Variants in IL1RAPL1 observed in about 807,000 individuals in gnomAD.
The protein encoded by IL1RAPL1 is interleukin 1 receptor accessory protein like 1, also known as interleukin-1 receptor accessory protein-like 1.
A neutral mutation model predicts 48.4 loss-of-function variants in IL1RAPL1; 3 were observed. That is an observed-to-expected ratio of 0.06 (90% CI 0.03 to 0.16). The LOEUF (loss-of-function observed/expected upper bound fraction) is 0.16. Ranked by LOEUF, IL1RAPL1 falls within the 10% of genes least tolerant of loss-of-function variation. IL1RAPL1 has a pLI of 1.00. For missense variants in IL1RAPL1, 349 were observed against 530.6 expected (o/e 0.66, Z 3.36); for synonymous variants, 185 against 187.7 (o/e 0.99, Z 0.12).
chrX:28,935,891 C>G (rs1434356879), intron 2 of IL1RAPL1, among the ~76,000 whole-genome samples: 1 of 111,417 alleles, frequency 9.0e-6, no homozygotes, highest in Non-Finnish European at 1.9e-5. Context: ...TTCAGCAGAG[C>G]CAAAGATGAA....
intron 6 of IL1RAPL1, among the ~76,000 whole-genome samples, chrX:29,668,969 A>G (rs188982303): frequency 8.9e-6 from 1 of 112,032 alleles, no homozygotes; most frequent in East Asian, 2.8e-4. Context: ...TTTGCTAGTT[A>G]TATTTTGGAT....
intron 5 of IL1RAPL1, among the ~76,000 whole-genome samples, chrX:29,622,701 ATTAC>A: frequency 1.8e-5 from 2 of 110,935 alleles, no homozygotes; most frequent in South Asian, 7.6e-4. Flanking sequence ...TATTTTTTTA[ATTAC>A]AAGCCAAATC....
At chrX:29,683,338 A>G (rs1361815384) in intron 6 of IL1RAPL1, among the ~76,000 whole-genome samples, 2 of 112,074 alleles carry the variant, frequency 1.8e-5, no homozygotes, top group Non-Finnish European at 3.8e-5. Context: ...CAAGACGCCA[A>G]GACTTCCTGT....
At chrX:28,950,420 C>T (rs1363951128) in intron 2 of IL1RAPL1, among the ~76,000 whole-genome samples, 193 of 83,202 alleles carry the variant, frequency 2.3e-3, no homozygotes, top group African/African-American at 6.7e-3. Context: ...CTTGGCGATG[C>T]GGGCTCTTTT....
chrX:28,875,178 C>A (rs991527402), intron 2 of IL1RAPL1, among the ~76,000 whole-genome samples: 1 of 111,951 alleles, frequency 8.9e-6, no homozygotes, highest in Non-Finnish European at 1.9e-5. Context: ...ATAGAAAGAG[C>A]ACATTGGCTT....
chrX:28,932,074 A>AT (rs1287448102), intron 2 of IL1RAPL1, among the ~76,000 whole-genome samples: 5 of 110,301 alleles, frequency 4.5e-5, no homozygotes, highest in Non-Finnish European at 9.5e-5. Flanking sequence ...AAATAAATAA[A>AT]TAAATAAAGT....
chrX:29,733,863 G>A (rs1185773256), intron 6 of IL1RAPL1, among the ~76,000 whole-genome samples: 2 of 112,464 alleles, frequency 1.8e-5, no homozygotes, highest in South Asian at 3.7e-4. Context: ...ACATAACAGG[G>A]ATTTATTTGA....
At chrX:29,038,497 C>G (rs2072051141) in intron 2 of IL1RAPL1, among the ~76,000 whole-genome samples, 2 of 111,685 alleles carry the variant, frequency 1.8e-5, no homozygotes, top group Non-Finnish European at 3.8e-5. Context: ...TGGTTTTCAA[C>G]ATTGTTTTAT....
intron 5 of IL1RAPL1, among the ~76,000 whole-genome samples, chrX:29,657,905 C>A (rs1298280639): frequency 2.8e-5 from 3 of 105,612 alleles, no homozygotes; most frequent in African/African-American, 1.0e-4. Context: ...TTGATTATAG[C>A]TATTACATCA....
At chrX:28,779,891 C>A (rs1388875899) in intron 1 of IL1RAPL1, among the ~76,000 whole-genome samples, 4 of 108,137 alleles carry the variant, frequency 3.7e-5, no homozygotes, top group Non-Finnish European at 5.8e-5. Context: ...ATTTACATCA[C>A]TAATTAATGA....
At chrX:29,949,110 G>C (rs1002780980) in intron 9 of IL1RAPL1, among the ~76,000 whole-genome samples, 1 of 111,807 alleles carries the variant, frequency 8.9e-6, no homozygotes, top group African/African-American at 3.2e-5. Flanking sequence ...AACATTGAGG[G>C]TATTATCCTC....
At chrX:29,585,419 C>G (rs1298664672) in intron 5 of IL1RAPL1, among the ~76,000 whole-genome samples, 11 of 112,329 alleles carry the variant, frequency 9.8e-5, no homozygotes, top group Non-Finnish European at 1.9e-4. Context: ...ATCACATCCT[C>G]TTTATCCATT....
intron 6 of IL1RAPL1, among the ~76,000 whole-genome samples, chrX:29,728,228 AC>A (rs762118981): frequency 6.0e-4 from 67 of 111,587 alleles, no homozygotes; most frequent in African/African-American, 2.2e-3. Flanking sequence ...GAGCCACCGC[AC>A]CCAGCCGAGT....
At chrX:29,380,709 A>G (rs1933685868) in intron 3 of IL1RAPL1, among the ~76,000 whole-genome samples, 2 of 112,485 alleles carry the variant, frequency 1.8e-5, no homozygotes, top group Non-Finnish European at 3.7e-5. Context: ...TACCACCTGC[A>G]CACCAGTGTT....
intron 1 of IL1RAPL1, among the ~76,000 whole-genome samples, chrX:28,610,803 G>A (rs190943240): frequency 1.8e-5 from 2 of 110,636 alleles, no homozygotes; most frequent in Non-Finnish European, 1.9e-5. Context: ...GTCTGCGGTG[G>A]AGCCAAGATT....
At chrX:28,956,168 C>T (rs1288856822) in intron 2 of IL1RAPL1, among the ~76,000 whole-genome samples, 1 of 107,990 alleles carries the variant, frequency 9.3e-6, no homozygotes, top group African/African-American at 3.4e-5. Flanking sequence ...TGGGCTGAGA[C>T]AGTGGGGTTT....
intron 2 of IL1RAPL1, among the ~76,000 whole-genome samples, chrX:28,791,143 A>G (rs1207617868): frequency 2.8e-5 from 3 of 108,680 alleles, no homozygotes; most frequent in Non-Finnish European, 5.8e-5. Context: ...TCTATGATTT[A>G]TTTATTCAAA....
At chrX:28,932,066 A>G (rs1341826574) in intron 2 of IL1RAPL1, among the ~76,000 whole-genome samples, 1 of 109,988 alleles carries the variant, frequency 9.1e-6, no homozygotes, top group East Asian at 2.8e-4. Flanking sequence ...AAATAAATAA[A>G]TAAATAAATA....
At chrX:28,718,218 A>C (rs932983952) in intron 1 of IL1RAPL1, among the ~76,000 whole-genome samples, 2 of 111,482 alleles carry the variant, frequency 1.8e-5, no homozygotes, top group Non-Finnish European at 3.8e-5. Flanking sequence ...GCATTAATAC[A>C]TGACTTTAAT....
Sources: allele counts gnomAD v4.1 joint callset (sites outside exome capture counted in the v4.1 genomes callset), GRCh38; gene constraint gnomAD v4.1.1; transcripts MANE v1.5; gene names NCBI Gene and HGNC (gene_info 2026-07-23, HGNC 2026-07-21).